Variants in TBPL2 observed in about 807,000 individuals in gnomAD.
TBPL2 encodes the protein TATA box-binding protein-like 2.
In TBPL2, 40 loss-of-function variants were observed where a neutral mutation model predicts 38.2. The observed-to-expected ratio is 1.05, with a 90% confidence interval of 0.81 to 1.36. The LOEUF (loss-of-function observed/expected upper bound fraction) is 1.36, where lower values mean the gene tolerates loss of function less well. Ranked by LOEUF, TBPL2 falls within the 40% of genes most tolerant of loss-of-function variation. TBPL2 has a pLI of 0.00. For synonymous variants in TBPL2, 169 were observed against 171.7 expected (o/e 0.98, Z 0.12); for missense variants, 461 against 456.7 (o/e 1.01, Z -0.09).
At chr14:55,428,660 G>T in intron 5 of TBPL2, 147 bp downstream of exon 5, 1 of 819,730 alleles carries the variant, frequency 1.2e-6, no homozygotes, top group Non-Finnish European at 1.8e-6. Flanking sequence ...GAGAACTCAG[G>T]CATAGCATCT....
chr14:55,422,902 A>G (rs1286826042), intron 6 of TBPL2, among the ~76,000 whole-genome samples: 1 of 152,152 alleles, frequency 6.6e-6, no homozygotes, highest in Non-Finnish European at 1.5e-5. Flanking sequence ...AACCTTCTGT[A>G]GAATGACATA....
intron 1 of TBPL2, among the ~76,000 whole-genome samples, chr14:55,439,794 A>G (rs1035104602): frequency 6.6e-6 from 1 of 151,574 alleles, no homozygotes; most frequent in African/African-American, 2.4e-5. Context: ...AGCCGGGCGT[A>G]GTGGCGGGCT....
chr14:55,420,370 C>T (rs1005974912), intron 6 of TBPL2, among the ~76,000 whole-genome samples: 45 of 152,224 alleles, frequency 3.0e-4, no homozygotes, highest in African/African-American at 9.1e-4. Context: ...AATCCATTTG[C>T]GGGTGAAAAG....
chr14:55,436,741 C>T (rs149095218), exon 2 of TBPL2: 3 of 1,614,132 alleles, frequency 1.9e-6, no homozygotes, highest in Non-Finnish European at 1.7e-6. Flanking sequence ...TAAGCCCAGC[C>T]CAACGTCCTG....
chr14:55,428,358 T>C (rs546434150), intron 5 of TBPL2, among the ~76,000 whole-genome samples: 160 of 152,228 alleles, frequency 1.1e-3, no homozygotes, highest in Non-Finnish European at 1.8e-3. Flanking sequence ...CTCGATCTCC[T>C]GACCTCGTGA....
rs772721463 is a variant in TBPL2, at chr14:55,414,481, A to T, written c.1052-26T>A. The T allele has an allele frequency of 2.0e-6, 3 of 1,504,506 alleles. No homozygotes were observed. The East Asian group carries it at 7.1e-5, about 36-fold the overall frequency. 93.2% of individuals were successfully genotyped at this position (1,504,506 alleles called of 1,614,324 possible). A position where few individuals can be genotyped will look rare whatever the true frequency, so the allele number is the denominator to read the frequency against. On this transcript the variant is annotated intron_variant, in intron 6 of 6. Coordinates refer to ENST00000247219, the Ensembl canonical transcript of TBPL2. Reference sequence around the variant, plus strand: ...CTATAAAGAAATCCAGGTTTATATAATTTTTAATATAAAAATACCAACATT... The same window carrying T: ...CTATAAAGAAATCCAGGTTTATATATTTTTTAATATAAAAATACCAACATT...
Position 55,424,051 on chromosome 14 carries a change from T to C in TBPL2, c.1051+108A>G, listed in dbSNP as rs1885783365. ...CTTATTTTTCATTCCAGGTATTCTG[T>C]ATAACAAGAATTACTTTACCATGGT... On this transcript the variant is annotated intron_variant, in intron 6 of 6. Coordinates refer to ENST00000247219, the Ensembl canonical transcript of TBPL2. 3 of 730,070 alleles carry C rather than the reference T, an allele frequency of 4.1e-6. No individual in the cohort carries two copies. In the African/African-American group the frequency reaches 5.2e-5, roughly 13 times the overall value. The allele number at this position is 730,070 out of a possible 1,614,324, so 45.2% of individuals were successfully genotyped here.
intron 1 of TBPL2, among the ~76,000 whole-genome samples, chr14:55,439,192 G>T (rs1427578776): frequency 1.3e-5 from 2 of 150,272 alleles, no homozygotes; most frequent in African/African-American, 2.4e-5. Flanking sequence ...ACGTGCCTCG[G>T]CCTCCCAAAG....
At chr14:55,428,747 C>A (rs1206604052) in intron 5 of TBPL2, 60 bp downstream of exon 5, 13 of 1,522,070 alleles carry the variant, frequency 8.5e-6, no homozygotes, top group South Asian at 2.5e-5. Flanking sequence ...ACGTAAGCAA[C>A]CCATAATGTA....
intron 6 of TBPL2, among the ~76,000 whole-genome samples, chr14:55,419,002 T>C (rs1466232040): frequency 1.3e-5 from 2 of 152,228 alleles, no homozygotes; most frequent in Non-Finnish European, 2.9e-5. Flanking sequence ...CAGATTATGA[T>C]TAAAACTGGA....
chr14:55,414,564 T>G, intron 6 of TBPL2, 109 bp from the exon 7 acceptor site: 1 of 735,592 alleles, frequency 1.4e-6, no homozygotes, highest in Non-Finnish European at 2.1e-6. Context: ...ATGACATCTC[T>G]TTAGCTGTAC....
At chr14:55,428,210 A>G (rs1885863071) in intron 5 of TBPL2, among the ~76,000 whole-genome samples, 2 of 138,140 alleles carry the variant, frequency 1.4e-5, no homozygotes, top group Admixed American at 1.7e-4. Flanking sequence ...GCTCACTGCA[A>G]GCTCCACCTC....
At chr14:55,415,062 C>T (rs775416642) in intron 6 of TBPL2, among the ~76,000 whole-genome samples, 1 of 152,170 alleles carries the variant, frequency 6.6e-6, no homozygotes, top group Non-Finnish European at 1.5e-5. Flanking sequence ...ACAGTCTCCA[C>T]CATTGAGAAG....
intron 6 of TBPL2, among the ~76,000 whole-genome samples, chr14:55,421,029 G>C (rs988216273): frequency 1.7e-4 from 23 of 137,428 alleles, no homozygotes; most frequent in Non-Finnish European, 2.9e-4. Flanking sequence ...CCACTGCACT[G>C]CAGCCTGGGC....
At chr14:55,421,015 C>T (rs960539697) in intron 6 of TBPL2, among the ~76,000 whole-genome samples, 2 of 145,902 alleles carry the variant, frequency 1.4e-5, no homozygotes, top group Non-Finnish European at 3.0e-5. Context: ...GAGCCGAGAT[C>T]GCACCACTGC....
chr14:55,440,401 C>T (rs1342702013), exon 1 of TBPL2: 3 of 1,612,848 alleles, frequency 1.9e-6, no homozygotes, highest in Non-Finnish European at 2.5e-6. Context: ...CTCACCTGAG[C>T]GGCGCACTGG....
intron 4 of TBPL2, among the ~76,000 whole-genome samples, chr14:55,433,051 T>C (rs8006052): frequency 0.24 from 35,804 of 152,076 alleles, 7,252 homozygotes; most frequent in African/African-American, 0.56. Context: ...AAATTCACCT[T>C]AGAAACAAGT....
intron 6 of TBPL2, among the ~76,000 whole-genome samples, chr14:55,417,362 C>G (rs528534316): frequency 6.7e-6 from 1 of 148,746 alleles, no homozygotes; most frequent in Non-Finnish European, 1.5e-5. Context: ...TTTAAGGGAA[C>G]CTAAATTGGC....
chr14:55,424,912 A>C (rs1885798344), intron 5 of TBPL2, among the ~76,000 whole-genome samples: 1 of 152,202 alleles, frequency 6.6e-6, no homozygotes, highest in Non-Finnish European at 1.5e-5. Context: ...GATTCTTAGA[A>C]AGGCTTGAGG....
Sources: allele counts gnomAD v4.1 joint callset (sites outside exome capture counted in the v4.1 genomes callset), GRCh38; gene constraint gnomAD v4.1.1; transcripts MANE v1.5; gene names NCBI Gene and HGNC (gene_info 2026-07-23, HGNC 2026-07-21).